Variants in TEAD1 observed in about 807,000 individuals in gnomAD.
TEAD1 encodes the protein TEA domain transcription factor 1.
A neutral mutation model predicts 54.9 loss-of-function variants in TEAD1; 9 were observed. That is an observed-to-expected ratio of 0.16 (90% confidence interval 0.10 to 0.29). The LOEUF is 0.29. TEAD1 is among the 10% of genes least tolerant of loss of function. TEAD1 has a pLI of 1.00. For synonymous variants in TEAD1, 200 were observed against 187.8 expected (o/e 1.07, Z -0.53); for missense variants, 387 against 535.9 (o/e 0.72, Z 2.74).
chr11:12,891,544 T>A (rs1948197835), intron 9 of TEAD1, among the ~76,000 whole-genome samples: 1 of 152,244 alleles, frequency 6.6e-6, no homozygotes, highest in Admixed American at 6.5e-5. Flanking sequence ...CCAAGGATGC[T>A]GATAAGATTT....
intron 3 of TEAD1, among the ~76,000 whole-genome samples, chr11:12,781,103 A>G (rs1945532325): frequency 6.6e-6 from 1 of 152,240 alleles, no homozygotes; most frequent in Non-Finnish European, 1.5e-5. Context: ...AATAGGAAAT[A>G]ATAGACTTTT....
chr11:12,862,236 CTTCT>C lies in TEAD1; in HGVS notation c.203-6_203-3del. The C allele has an allele frequency of 1.9e-6, 3 of 1,612,700 alleles. No homozygotes were observed. The highest frequency in any genetic ancestry group is 2.5e-6 in the Non-Finnish European group (3 of 1,178,926). On this transcript the variant is annotated splice_polypyrimidine_tract_variant and intron_variant, in intron 3 of 12. Coordinates refer to ENST00000527636, the MANE Select transcript of TEAD1 (RefSeq NM_021961.6). ...TTGGTAACCCACCTCATGGTAAATTCTTCTTTCTTTCAGGTAGGAATGAATTGAT... is the reference window on the plus strand; with the variant it reads ...TTGGTAACCCACCTCATGGTAAATTCTTCTTTCAGGTAGGAATGAATTGAT...
intron 3 of TEAD1, among the ~76,000 whole-genome samples, chr11:12,841,929 C>CT (rs1233752116): frequency 6.6e-6 from 1 of 152,152 alleles, no homozygotes; most frequent in Non-Finnish European, 1.5e-5. Context: ...GGGAAGGTCT[C>CT]TTTTAAAATG....
At chr11:12,755,359 C>T (rs1353998167) in intron 2 of TEAD1, among the ~76,000 whole-genome samples, 1 of 152,122 alleles carries the variant, frequency 6.6e-6, no homozygotes, top group African/African-American at 2.4e-5. Context: ...TTATAATAAT[C>T]GGATGGTGAA....
chr11:12,913,816 C>T (rs1948660461), intron 10 of TEAD1, among the ~76,000 whole-genome samples: 1 of 152,232 alleles, frequency 6.6e-6, no homozygotes, highest in Non-Finnish European at 1.5e-5. Flanking sequence ...TGTTAGTTCA[C>T]TTACGTATCA....
intron 2 of TEAD1, among the ~76,000 whole-genome samples, chr11:12,760,922 C>T (rs1213494210): frequency 1.3e-5 from 2 of 152,114 alleles, no homozygotes. Context: ...AAGTCTTCAT[C>T]TTATGATGGG....
intron 4 of TEAD1, 162 bp from the exon 5 acceptor site, chr11:12,864,676 A>G: frequency 1.4e-6 from 2 of 1,452,784 alleles, no homozygotes; most frequent in Non-Finnish European, 1.8e-6. Context: ...CATAAACCCG[A>G]ACAATGTAGG....
rs559134158 is a variant in TEAD1, at chr11:12,710,929, G to C, written c.-55+35368G>C. On this transcript the variant is annotated intron_variant, in intron 2 of 12. Coordinates refer to ENST00000527636, the MANE Select transcript of TEAD1 (RefSeq NM_021961.6). ...AGATGGAGATGGCATTGCAGGCAGA[G>C]GGCCCAGCTGGTACAAAGGCACAGA... Among the ~76,000 whole-genome samples the C allele has an allele frequency of 3.3e-5, 5 of 152,278 alleles. No individual in the cohort carries two copies. The South Asian group carries it at 1.0e-3, about 32-fold the overall frequency.
intron 2 of TEAD1, among the ~76,000 whole-genome samples, chr11:12,756,144 G>T (rs758708613): frequency 6.6e-6 from 1 of 152,182 alleles, no homozygotes; most frequent in Non-Finnish European, 1.5e-5. Flanking sequence ...TTGGGGCTTG[G>T]TGAAGAGATA....
intron 3 of TEAD1, among the ~76,000 whole-genome samples, chr11:12,837,803 TTC>T (rs1173090773): frequency 1.4e-4 from 20 of 142,998 alleles, no homozygotes; most frequent in African/African-American, 4.3e-4. Context: ...TTCTTCCTTC[TTC>T]TTTTTTTTTT....
chr11:12,736,863 G>A (rs1944542900), intron 2 of TEAD1, among the ~76,000 whole-genome samples: 1 of 152,154 alleles, frequency 6.6e-6, no homozygotes, highest in African/African-American at 2.4e-5. Flanking sequence ...TTTTAAAATA[G>A]CTGGGCAGAA....
At chr11:12,802,522 T>A (rs1373818206) in intron 3 of TEAD1, among the ~76,000 whole-genome samples, 1 of 152,044 alleles carries the variant, frequency 6.6e-6, no homozygotes. Context: ...TCACAGATAG[T>A]GTTTGACAAA....
At chr11:12,762,263 G>C (rs940191584) in intron 2 of TEAD1, among the ~76,000 whole-genome samples, 2 of 152,026 alleles carry the variant, frequency 1.3e-5, no homozygotes, top group Admixed American at 1.3e-4. Context: ...GAAGAAGGTG[G>C]GCTAGCCACT....
At chr11:12,850,770 A>G (rs761780154) in intron 3 of TEAD1, among the ~76,000 whole-genome samples, 33 of 152,240 alleles carry the variant, frequency 2.2e-4, no homozygotes, top group Admixed American at 3.9e-4. Flanking sequence ...TAATTAATAA[A>G]TAGAGTGCTT....
rs1176475680 is a variant in TEAD1, at chr11:12,930,223, G to A, written c.1064G>A (p.Arg355His). 4 of 1,614,150 alleles carry A rather than the reference G, an allele frequency of 2.5e-6. No homozygotes were observed. The highest frequency in any genetic ancestry group is 1.1e-5 in the South Asian group (1 of 91,086). Residue 355 changes from arginine (R) to histidine (H), a missense_variant, in exon 12 of 13, where the codon CGC (arginine) becomes CAC (histidine). Physicochemically the swap from Arg to His is conservative, Grantham distance 29 (BLOSUM62 0). Coordinates refer to ENST00000527636, the MANE Select transcript of TEAD1 (RefSeq NM_021961.6). Reference sequence around the variant, plus strand: ...GGCCGATTTGTATACCGAATAAACCGCTCCCCAATGTGTGAATATATGATC... The same window carrying A: ...GGCCGATTTGTATACCGAATAAACCACTCCCCAATGTGTGAATATATGATC...
intron 2 of TEAD1, among the ~76,000 whole-genome samples, chr11:12,684,868 TC>T (rs1344296886): frequency 6.6e-6 from 1 of 152,248 alleles, no homozygotes; most frequent in Non-Finnish European, 1.5e-5. Flanking sequence ...TGGTTGCCCA[TC>T]TCTTTAGCCA....
chr11:12,907,100 C>T (rs1323354198), intron 10 of TEAD1, among the ~76,000 whole-genome samples: 1 of 152,076 alleles, frequency 6.6e-6, no homozygotes, highest in African/African-American at 2.4e-5. Context: ...GTGGTTGTAC[C>T]ATTTTACATT....
intron 2 of TEAD1, among the ~76,000 whole-genome samples, chr11:12,739,519 G>C (rs1231159101): frequency 1.3e-5 from 2 of 152,104 alleles, no homozygotes; most frequent in African/African-American, 4.8e-5. Flanking sequence ...CCGCATATGA[G>C]TGGAATCCTA....
At chr11:12,927,898 C>T (rs1448718145) in intron 11 of TEAD1, among the ~76,000 whole-genome samples, 1 of 152,104 alleles carries the variant, frequency 6.6e-6, no homozygotes, top group Non-Finnish European at 1.5e-5. Flanking sequence ...CCCCAGATTC[C>T]TGGGGTACCC....
Sources: gnomAD v4.1 joint callset for allele counts (sites outside exome capture counted in the v4.1 genomes callset) on GRCh38, gnomAD v4.1.1 for gene constraint, MANE v1.5 for transcripts, NCBI Gene and HGNC (gene_info 2026-07-23, HGNC 2026-07-21) for gene names.